The following SEMA3D variants were observed in gnomAD, a reference collection of about 807,000 sequenced individuals.
SEMA3D encodes semaphorin-3D.
A neutral mutation model predicts 100.1 loss-of-function variants in SEMA3D; 84 were observed. The ratio of observed to expected loss-of-function variants is 0.84; its 90% CI spans 0.70 to 1.01. SEMA3D has a LOEUF of 1.01. Ranked by LOEUF, SEMA3D falls within the 50% of genes least tolerant of loss-of-function variation. The pLI is 0.00. For synonymous variants in SEMA3D, 312 were observed against 320.7 expected, an observed-to-expected ratio of 0.97 and a Z score of 0.29; for missense variants, 875 against 934.1, an observed-to-expected ratio of 0.94 and a Z score of 0.82.
chr7:85,224,938 AACAAT>A, the SEMA3D span, among the ~76,000 whole-genome samples: 1 of 151,022 alleles, frequency 6.6e-6, no homozygotes, highest in Non-Finnish European at 1.5e-5. Context: ...GTATCATGAA[AACAAT>A]ACATTTGTTT....
intron 2 of SEMA3D, among the ~76,000 whole-genome samples, chr7:85,147,004 T>C (rs1351765426): frequency 2.6e-5 from 4 of 151,812 alleles, no homozygotes; most frequent in East Asian, 1.9e-4. Flanking sequence ...CATCTTTCCG[T>C]ATACCACAGT....
the SEMA3D span, among the ~76,000 whole-genome samples, chr7:85,242,589 T>C: frequency 6.6e-6 from 1 of 152,296 alleles, no homozygotes; most frequent in East Asian, 1.9e-4. Flanking sequence ...CTGTTCCTAC[T>C]GATTTACTGC....
intron 1 of SEMA3D, among the ~76,000 whole-genome samples, chr7:85,167,652 T>A (rs959254702): frequency 9.2e-5 from 14 of 151,640 alleles, no homozygotes; most frequent in African/African-American, 3.4e-4. Context: ...ATCCCCAGTT[T>A]AAAAAAAATA....
chr7:85,151,853 CT>C, intron 2 of SEMA3D: 1 of 373,672 alleles, frequency 2.7e-6, no homozygotes, highest in Non-Finnish European at 3.7e-6. Context: ...GTTTTTTGAC[CT>C]TACTTTGATA....
At chr7:85,140,178 G>T (rs1790004188) in intron 2 of SEMA3D, 1 of 486,144 alleles carries the variant, frequency 2.1e-6, no homozygotes, top group Non-Finnish European at 2.7e-6. Flanking sequence ...GTTTATAAGA[G>T]CATTTATTTA....
chr7:85,005,384 TA>T (rs1789767400), intron 18 of SEMA3D, among the ~76,000 whole-genome samples: 1 of 152,048 alleles, frequency 6.6e-6, no homozygotes, highest in Non-Finnish European at 1.5e-5. Context: ...TCAGTGTAAC[TA>T]TGAATCTGCC....
At chr7:85,217,292 C>T in the SEMA3D span, among the ~76,000 whole-genome samples, 1 of 152,056 alleles carries the variant, frequency 6.6e-6, no homozygotes, top group East Asian at 1.9e-4. Flanking sequence ...TGTTTCCAAG[C>T]CAGACTAATA....
chr7:85,164,159 G>A (rs1277144293), intron 1 of SEMA3D, among the ~76,000 whole-genome samples: 1 of 152,052 alleles, frequency 6.6e-6, no homozygotes, highest in Admixed American at 6.6e-5. Context: ...TTGAATAAAG[G>A]TCTATTTGAG....
At chr7:85,084,230 T>A (rs1033273543) in intron 4 of SEMA3D, among the ~76,000 whole-genome samples, 5 of 152,164 alleles carry the variant, frequency 3.3e-5, no homozygotes, top group Admixed American at 2.6e-4. Context: ...ATCCTCTCAC[T>A]TTTTCCCCCC....
intron 4 of SEMA3D, among the ~76,000 whole-genome samples, chr7:85,096,268 A>C (rs773361946): frequency 7.9e-5 from 12 of 152,058 alleles, no homozygotes; most frequent in South Asian, 6.2e-4. Context: ...TTTTTAAAAG[A>C]AATTCCTGAA....
the SEMA3D span, among the ~76,000 whole-genome samples, chr7:85,229,296 T>C: frequency 3.3e-5 from 5 of 152,048 alleles, no homozygotes; most frequent in East Asian, 9.6e-4. Flanking sequence ...GTACTGCAAA[T>C]GCTTTTAAAA....
intron 9 of SEMA3D, among the ~76,000 whole-genome samples, chr7:85,043,690 C>CAAA: frequency 6.6e-6 from 1 of 152,072 alleles, no homozygotes; most frequent in East Asian, 1.9e-4. Context: ...GCGGGTCTTT[C>CAAA]CCATGCTGTT....
intron 1 of SEMA3D, among the ~76,000 whole-genome samples, chr7:85,185,449 A>T (rs1791513271): frequency 6.6e-6 from 1 of 152,196 alleles, no homozygotes; most frequent in Non-Finnish European, 1.5e-5. Flanking sequence ...TGCAAATAGC[A>T]CTAAGCTAAA....
chr7:85,118,704 C>A (rs971931509), intron 3 of SEMA3D, among the ~76,000 whole-genome samples: 8 of 152,104 alleles, frequency 5.3e-5, no homozygotes, highest in Non-Finnish European at 1.0e-4. Context: ...ACAATTTTCT[C>A]TGATTCTGTA....
intron 8 of SEMA3D, among the ~76,000 whole-genome samples, chr7:85,063,017 C>T (rs180976156): frequency 6.6e-6 from 1 of 152,260 alleles, no homozygotes; most frequent in East Asian, 1.9e-4. Context: ...CTTCATGGTA[C>T]CACATGATAC....
intron 2 of SEMA3D, chr7:85,140,863 G>T (rs1364593833): frequency 2.7e-5 from 22 of 804,964 alleles, no homozygotes; most frequent in Non-Finnish European, 3.2e-5. Flanking sequence ...AAAAATGGTA[G>T]GTATACAAAA....
the SEMA3D span, among the ~76,000 whole-genome samples, chr7:85,192,909 T>C: frequency 4.6e-5 from 7 of 152,186 alleles, no homozygotes; most frequent in Non-Finnish European, 1.0e-4. Flanking sequence ...TAGGAGTCTA[T>C]GATAACCCAT....
chr7:85,132,187 C>A (rs1789742249), intron 2 of SEMA3D, among the ~76,000 whole-genome samples: 1 of 151,738 alleles, frequency 6.6e-6, no homozygotes, highest in Non-Finnish European at 1.5e-5. Context: ...TAGTTTTGAT[C>A]AAATTTCATT....
chr7:85,231,389 A>AATC, the SEMA3D span, among the ~76,000 whole-genome samples: 1 of 151,178 alleles, frequency 6.6e-6, no homozygotes, highest in Admixed American at 6.6e-5. Context: ...GAAATCTCCA[A>AATC]ATCATCATTG....
Sources: gnomAD v4.1 joint callset for allele counts (sites outside exome capture counted in the v4.1 genomes callset) on GRCh38, gnomAD v4.1.1 for gene constraint, MANE v1.5 for transcripts, NCBI Gene and HGNC (gene_info 2026-07-23, HGNC 2026-07-21) for gene names.